Variants in ADAM2 observed in about 807,000 individuals in gnomAD.
ADAM2 encodes disintegrin and metalloproteinase domain-containing protein 2.
ADAM2 carries 101 observed loss-of-function variants against 99.3 expected under a neutral mutation model. The observed-to-expected ratio is 1.02, with a 90% confidence interval of 0.87 to 1.20. ADAM2 has a LOEUF of 1.20. Among genes scored for constraint, ADAM2 ranks in the 50% most tolerant of loss-of-function variants. The pLI is 0.00. For missense variants in ADAM2, 948 were observed against 878.7 expected (o/e 1.08, Z -1.00); for synonymous variants, 323 against 287.6 (o/e 1.12, Z -1.25).
chr8:39,809,910 A>G lies in ADAM2; in HGVS notation c.514-444T>C, dbSNP rs1804622479. Reference sequence around the variant, plus strand: ...AATAACCAGCTAACATCATAATGACAGGATCAAATTCACACATAACAATAT... The same window carrying G: ...AATAACCAGCTAACATCATAATGACGGGATCAAATTCACACATAACAATAT... On this transcript the variant is annotated intron_variant, in intron 6 of 20. Coordinates refer to ENST00000265708, the MANE Select transcript of ADAM2 (RefSeq NM_001464.5). Among the ~76,000 whole-genome samples the G allele has an allele frequency of 1.3e-5, 2 of 152,360 alleles. 1 individual carries two copies. Among genetic ancestry groups the G allele is most frequent in the South Asian group, 4.1e-4 (2 of 4,834 alleles).
Position 39,838,214 on chromosome 8 carries a change from T to A in ADAM2, c.-29A>T, listed in dbSNP as rs1054589243. The A allele has an allele frequency of 3.7e-6, 6 of 1,613,782 alleles. No individual in the cohort carries two copies. The highest frequency in any genetic ancestry group is 1.3e-5 in the African/African-American group (1 of 74,984). Reference sequence around the variant, plus strand: ...TTGAAGTCCTGGGTCCCAGCCGGAATAATGGCAGTTGGTGGTTACAGGGCA... The same window carrying A: ...TTGAAGTCCTGGGTCCCAGCCGGAAAAATGGCAGTTGGTGGTTACAGGGCA... On this transcript the variant is annotated 5_prime_UTR_variant, in exon 1 of 21. Coordinates refer to ENST00000265708, the MANE Select transcript of ADAM2 (RefSeq NM_001464.5).
At chr8:39,766,536 T>A (rs1316919946) in intron 14 of ADAM2, among the ~76,000 whole-genome samples, 1 of 151,512 alleles carries the variant, frequency 6.6e-6, no homozygotes, top group African/African-American at 2.4e-5. Flanking sequence ...GCCTCCTGAG[T>A]AGCTGGGATT....
chr8:39,808,467 G>A (rs113476819), intron 7 of ADAM2, among the ~76,000 whole-genome samples: 391 of 152,258 alleles, frequency 2.6e-3, no homozygotes, highest in Non-Finnish European at 3.7e-3. Context: ...TCATGGATTA[G>A]AATATTCCAA....
chr8:39,822,436 C>A (rs183083921), intron 4 of ADAM2, among the ~76,000 whole-genome samples: 95 of 151,982 alleles, frequency 6.3e-4, no homozygotes, highest in African/African-American at 2.2e-3. Context: ...ATGGAAGAAT[C>A]AAAAAGCTTC....
intron 7 of ADAM2, among the ~76,000 whole-genome samples, chr8:39,791,099 T>A (rs914338417): frequency 1.3e-5 from 2 of 151,766 alleles, no homozygotes; most frequent in African/African-American, 4.8e-5. Flanking sequence ...TGGGGTGACT[T>A]ATGCTAAAGT....
rs776551436 is a variant in ADAM2 at position 39,746,464 on chromosome 8, C to T, written c.2174+8G>A. On this transcript the variant is annotated splice_region_variant and intron_variant, in intron 19 of 20. Coordinates refer to ENST00000265708, the MANE Select transcript of ADAM2 (RefSeq NM_001464.5). ...AAATAACAAATCTTAAATATGAAAT[C>T]AATATACTCATCGCTTGAATAGTCC... 2.6e-6 allele frequency: 4 copies of T among 1,531,444 alleles called. No individual in the cohort carries two copies. The highest frequency in any genetic ancestry group is 3.5e-6 in the Non-Finnish European group (4 of 1,139,466). 94.9% of individuals were successfully genotyped at this position (1,531,444 alleles called of 1,614,324 possible). A position where few individuals can be genotyped will look rare whatever the true frequency, so the allele number is the denominator to read the frequency against.
Position 39,769,298 on chromosome 8 carries a change from C to G in ADAM2, c.1212+94G>C. 3.1e-6 allele frequency: 3 copies of G among 954,718 alleles called. No homozygotes were observed. In the South Asian group the frequency reaches 4.9e-5, roughly 15 times the overall value. 59.1% of individuals were successfully genotyped at this position (954,718 alleles called of 1,614,324 possible). A position where few individuals can be genotyped will look rare whatever the true frequency, so the allele number is the denominator to read the frequency against. On this transcript the variant is annotated intron_variant, in intron 12 of 20. Coordinates refer to ENST00000265708, the MANE Select transcript of ADAM2 (RefSeq NM_001464.5). ...CCTGAATCATTTGCAGAAAATTTAG[C>G]TTGATGAATTAAGGAAAATGGCAGT... is the stretch of plus-strand genomic sequence containing the variant.
chr8:39,825,056 C>A (rs148098957), intron 3 of ADAM2, among the ~76,000 whole-genome samples, 159 bp from the exon 4 acceptor site: 3 of 152,140 alleles, frequency 2.0e-5, no homozygotes, highest in Non-Finnish European at 4.4e-5. Flanking sequence ...TTTACTCAAA[C>A]ATCTTACACT....
intron 3 of ADAM2, among the ~76,000 whole-genome samples, chr8:39,828,224 A>C (rs977648077): frequency 3.3e-5 from 5 of 151,896 alleles, no homozygotes; most frequent in African/African-American, 9.7e-5. Flanking sequence ...TTTATAAAAA[A>C]TAGTAATACT....
intron 17 of ADAM2, 77 bp downstream of exon 17, chr8:39,749,590 T>C: frequency 1.4e-6 from 2 of 1,385,120 alleles, no homozygotes; most frequent in Non-Finnish European, 2.0e-6. Flanking sequence ...TGTGTGCGTG[T>C]GTGTGTGTGT....
At chr8:39,781,249 T>C (rs1196868083) in intron 10 of ADAM2, among the ~76,000 whole-genome samples, 7 of 152,126 alleles carry the variant, frequency 4.6e-5, no homozygotes, top group Admixed American at 6.6e-5. Flanking sequence ...TATATACACA[T>C]GTATTGGGGA....
Position 39,788,733 on chromosome 8 carries a change from T to C in ADAM2, c.578A>G (p.His193Arg). The C allele has an allele frequency of 1.3e-6, 2 of 1,513,436 alleles. No individual in the cohort carries two copies. Among genetic ancestry groups the C allele is most frequent in the East Asian group, 2.4e-5 (1 of 41,456 alleles). The allele number at this position is 1,513,436 out of a possible 1,614,324, so 93.8% of individuals were successfully genotyped here. A position where few individuals can be genotyped will look rare whatever the true frequency, so the allele number is the denominator to read the frequency against. The change falls in exon 8 of 21, where the codon CAT (histidine) becomes CGT (arginine). Residue 193 changes from histidine to arginine, a missense_variant. His to Arg is a conservative substitution (Grantham distance 29). Coordinates refer to ENST00000265708, the MANE Select transcript of ADAM2 (RefSeq NM_001464.5). Reference protein sequence around the residue: ...HVIVEKQLYNHMGSDTTVVAQ... With the variant: ...HVIVEKQLYNRMGSDTTVVAQ... Reference sequence around the variant, plus strand: ...GACAACAGTTGTATCAGACCCCATATGATTATACTGTAAAATATTATTACA... The same window carrying C: ...GACAACAGTTGTATCAGACCCCATACGATTATACTGTAAAATATTATTACA...
intron 7 of ADAM2, among the ~76,000 whole-genome samples, chr8:39,805,450 C>T (rs1205053849): frequency 1.3e-5 from 2 of 152,082 alleles, no homozygotes; most frequent in Non-Finnish European, 2.9e-5. Context: ...ATAAGCTCTG[C>T]AAATCCTTTG....
chr8:39,805,440 ATAAGC>A (rs1196038401), intron 7 of ADAM2, among the ~76,000 whole-genome samples: 1 of 152,254 alleles, frequency 6.6e-6, no homozygotes, highest in Admixed American at 6.5e-5. Context: ...GGTAAAAACG[ATAAGC>A]TCTGCAAATC....
intron 11 of ADAM2, among the ~76,000 whole-genome samples, chr8:39,773,608 A>G (rs949552990): frequency 6.6e-6 from 1 of 151,854 alleles, no homozygotes; most frequent in Non-Finnish European, 1.5e-5. Flanking sequence ...GGGAAAATAA[A>G]TGAAAGCTAT....
chr8:39,822,719 C>T (rs1055682735), intron 4 of ADAM2, among the ~76,000 whole-genome samples: 7 of 150,636 alleles, frequency 4.6e-5, no homozygotes, highest in Non-Finnish European at 8.9e-5. Context: ...TCAATTATGC[C>T]TTCCATAATT....
In ADAM2 at chr8:39,744,336, A is replaced by C. The variant is rs191333925; in HGVS notation, c.*31-272T>G. On this transcript the variant is annotated intron_variant, in intron 20 of 20. Coordinates refer to ENST00000265708, the MANE Select transcript of ADAM2 (RefSeq NM_001464.5). The stretch of plus-strand genomic sequence containing the variant: ...TAAATTCTGAAAAATATAATTCCGA[A>C]AAATAGTCTCCAATTTATTTTTATT... Among the ~76,000 whole-genome samples, 210 of 152,186 alleles carry C rather than the reference A, an allele frequency of 1.4e-3. 1 individual carries two copies. The highest frequency in any genetic ancestry group is 4.5e-3 in the African/African-American group (188 of 41,540).
intron 4 of ADAM2, among the ~76,000 whole-genome samples, chr8:39,824,177 G>A (rs1805306113): frequency 6.6e-6 from 1 of 151,714 alleles, no homozygotes; most frequent in South Asian, 2.1e-4. Context: ...CAGCTACTTG[G>A]GAGGCTGAGG....
chr8:39,799,011 TTG>T (rs1804093972), intron 7 of ADAM2, among the ~76,000 whole-genome samples: 1 of 152,164 alleles, frequency 6.6e-6, no homozygotes, highest in African/African-American at 2.4e-5. Context: ...ATTGATTTTT[TTG>T]GAGGGGTTTT....
Sources: gnomAD v4.1 joint callset for allele counts (sites outside exome capture counted in the v4.1 genomes callset) on GRCh38, gnomAD v4.1.1 for gene constraint, MANE v1.5 for transcripts, NCBI Gene and HGNC (gene_info 2026-07-23, HGNC 2026-07-21) for gene names.